The following PCOLCE2 variants were observed in gnomAD, a reference collection of about 807,000 sequenced individuals.
The protein encoded by PCOLCE2 is procollagen C-proteinase enhancer 2.
Under a neutral mutation model 47.0 loss-of-function variants are expected in PCOLCE2, and 42 were observed. The ratio of observed to expected loss-of-function variants is 0.89; its 90% CI spans 0.70 to 1.16. The LOEUF is 1.16. Among genes scored for constraint, PCOLCE2 ranks in the 50% most tolerant of loss-of-function variants. The pLI, the probability that PCOLCE2 is intolerant of heterozygous loss-of-function variation, is 0.00. For missense variants in PCOLCE2, 500 were observed against 526.1 expected, an observed-to-expected ratio of 0.95 and a Z score of 0.49; for synonymous variants, 169 against 191.7, an observed-to-expected ratio of 0.88 and a Z score of 0.98.
chr3:142,827,533 G>A (rs1937096810), intron 6 of PCOLCE2: 1 of 1,479,416 alleles, frequency 6.8e-7, no homozygotes, highest in Non-Finnish European at 9.4e-7. Context: ...GGCAGCACAC[G>A]ATCATACCCT....
chr3:142,818,845 A>G (rs556822615), intron 8 of PCOLCE2, among the ~76,000 whole-genome samples: 36 of 152,352 alleles, frequency 2.4e-4, no homozygotes, highest in African/African-American at 8.4e-4. Flanking sequence ...GAGTGGTTAG[A>G]TCAGCCATGT....
intron 7 of PCOLCE2, among the ~76,000 whole-genome samples, chr3:142,821,525 C>T (rs1402239104): frequency 1.3e-5 from 2 of 152,130 alleles, no homozygotes; most frequent in African/African-American, 4.8e-5. Context: ...CCTCACCCTT[C>T]TCTGTAGCTG....
At position 142,885,197 on chromosome 3, in the gene PCOLCE2, T is replaced by C. The variant is rs181826893; in HGVS notation, c.192+2472A>G. Among the ~76,000 whole-genome samples the C allele has an allele frequency of 1.7e-4, 26 of 152,322 alleles. No homozygotes were observed. The East Asian group carries it at 4.8e-3, about 28-fold the overall frequency. ...ATTTCCCATTCTTGCATTGATATGA[T>C]AGAGTTTAATGAAAACCATTTAGCG... On this transcript the variant is annotated intron_variant, in intron 2 of 8. Coordinates refer to ENST00000295992, the MANE Select transcript of PCOLCE2 (RefSeq NM_013363.4).
rs745457022 is a variant in PCOLCE2 at position 142,829,862 on chromosome 3, T to C, written c.711-16A>G. 3 of 1,495,502 alleles carry C rather than the reference T, an allele frequency of 2.0e-6. No individual in the cohort carries two copies. The highest frequency in any genetic ancestry group is 2.7e-6 in the Non-Finnish European group (3 of 1,100,772). 92.6% of individuals were successfully genotyped at this position (1,495,502 alleles called of 1,614,324 possible). A position where few individuals can be genotyped will look rare whatever the true frequency, so the allele number is the denominator to read the frequency against. ...CACAATTGGCCTAAAAAAAGAAAAA[T>C]GTGTTTTTTTATAAATACTTAAAAG... On this transcript the variant is annotated splice_polypyrimidine_tract_variant and intron_variant, in intron 5 of 8. Transcript: ENST00000295992.
At chr3:142,846,101 T>C (rs1937325925) in intron 3 of PCOLCE2, among the ~76,000 whole-genome samples, 1 of 152,252 alleles carries the variant, frequency 6.6e-6, no homozygotes, top group East Asian at 1.9e-4. Flanking sequence ...ATTTTCTCTG[T>C]CTTTAAATTT....
chr3:142,877,078 T>C (rs939722286), intron 2 of PCOLCE2, among the ~76,000 whole-genome samples: 4 of 152,254 alleles, frequency 2.6e-5, no homozygotes, highest in Non-Finnish European at 5.9e-5. Context: ...ACTTAATTTA[T>C]GTAATTAGTG....
At chr3:142,880,496 A>ACT (rs1933592208) in intron 2 of PCOLCE2, among the ~76,000 whole-genome samples, 1 of 152,218 alleles carries the variant, frequency 6.6e-6, no homozygotes, top group Non-Finnish European at 1.5e-5. Context: ...TTATACACCC[A>ACT]GCACTGATCT....
chr3:142,827,031 A>G (rs531241560), intron 6 of PCOLCE2: 5 of 828,900 alleles, frequency 6.0e-6, no homozygotes, highest in African/African-American at 1.7e-5. Context: ...TGTTTCAACT[A>G]TCTATATATT....
At chr3:142,888,770 G>A (rs1385399489) in intron 1 of PCOLCE2, 44 bp downstream of exon 1, 4 of 1,191,428 alleles carry the variant, frequency 3.4e-6, no homozygotes, top group Admixed American at 3.2e-5. Flanking sequence ...AGGGGTGGAG[G>A]AAGGGAAAGG....
At chr3:142,848,803 C>T (rs73864473) in intron 2 of PCOLCE2, among the ~76,000 whole-genome samples, 9,586 of 152,224 alleles carry the variant, frequency 0.063, 311 homozygotes, top group East Asian at 0.1. Context: ...TGGACCTTAG[C>T]ATATATTTGC....
chr3:142,823,193 A>G (rs1937034496), intron 7 of PCOLCE2, among the ~76,000 whole-genome samples: 1 of 152,248 alleles, frequency 6.6e-6, no homozygotes, highest in Non-Finnish European at 1.5e-5. Flanking sequence ...GTTGAGTTAT[A>G]GATGTGTGAA....
intron 2 of PCOLCE2, among the ~76,000 whole-genome samples, chr3:142,855,452 T>C (rs906066166): frequency 2.6e-5 from 4 of 152,108 alleles, no homozygotes; most frequent in Non-Finnish European, 5.9e-5. Context: ...GAGGAAGAAA[T>C]GGCTGACAGC....
intron 5 of PCOLCE2, among the ~76,000 whole-genome samples, chr3:142,831,992 C>T (rs1937156943): frequency 6.6e-6 from 1 of 152,172 alleles, no homozygotes; most frequent in Admixed American, 6.6e-5. Flanking sequence ...ACTAGGCAGA[C>T]AAGAGGAAAT....
chr3:142,865,698 T>G (rs1433983050), intron 2 of PCOLCE2, among the ~76,000 whole-genome samples: 1 of 152,132 alleles, frequency 6.6e-6, no homozygotes, highest in Non-Finnish European at 1.5e-5. Flanking sequence ...CACAAGAAGT[T>G]TTAGAAATAA....
At chr3:142,839,050 A>G in intron 4 of PCOLCE2, 144 bp from the exon 5 acceptor site, 1 of 564,476 alleles carries the variant, frequency 1.8e-6, no homozygotes, top group Admixed American at 3.4e-5. Context: ...TTTGTTGCAT[A>G]TTTCTTATTT....
rs1218369796 is a variant in PCOLCE2 at position 142,848,309 on chromosome 3, C to T, written c.356G>A (p.Gly119Asp). 4.3e-6 allele frequency: 7 copies of T among 1,614,236 alleles called. No homozygotes were observed. Among genetic ancestry groups the T allele is most frequent in the Non-Finnish European group, 5.9e-6 (7 of 1,180,034 alleles). The change falls in exon 3 of 9, where the codon GGC (glycine) becomes GAC (aspartate). Residue 119 changes from glycine to aspartate, a missense_variant. Gly to Asp is a moderately conservative substitution (Grantham distance 94). Coordinates refer to ENST00000295992, the MANE Select transcript of PCOLCE2 (RefSeq NM_013363.4). ...TFRPGALVSS[G>D]NKMMVQMISD... ...AATCATCTGCACCATCATCTTGTTGCCACTGGACACAAGGGCTCCAGGCCG... is the reference window on the plus strand; with the variant it reads ...AATCATCTGCACCATCATCTTGTTGTCACTGGACACAAGGGCTCCAGGCCG...
In PCOLCE2 at chr3:142,888,880, G is replaced by A. The variant is rs761047304; in HGVS notation, c.17C>T (p.Ala6Val). 1 of 1,528,388 alleles carries A rather than the reference G, an allele frequency of 6.5e-7. No individual in the cohort carries two copies. Among genetic ancestry groups the A allele is most frequent in the Non-Finnish European group, 8.8e-7 (1 of 1,140,724 alleles). The allele number at this position is 1,528,388 out of a possible 1,614,324, so 94.7% of individuals were successfully genotyped here. A position where few individuals can be genotyped will look rare whatever the true frequency, so the allele number is the denominator to read the frequency against. The change falls in exon 1 of 9, where the codon GCC becomes GTC. Residue 6 changes from alanine (A) to valine (V), a missense_variant. Physicochemically the swap from Ala to Val is moderately conservative, Grantham distance 64. Transcript: ENST00000295992. MRGANAWAPLCLLLAA... is the reference protein window; with the variant it reads MRGANVWAPLCLLLAA... ...CAGCAGCAGGCAGAGTGGCGCCCAGGCGTTCGCGCCCCTCATGGCAGCGTA... is the reference window on the plus strand; with the variant it reads ...CAGCAGCAGGCAGAGTGGCGCCCAGACGTTCGCGCCCCTCATGGCAGCGTA...
chr3:142,861,088 T>C (rs1192064503), intron 2 of PCOLCE2, among the ~76,000 whole-genome samples: 1 of 152,266 alleles, frequency 6.6e-6, no homozygotes, highest in African/African-American at 2.4e-5. Flanking sequence ...TATTCTGTAC[T>C]CAACACTTGT....
rs775143491 is a variant in PCOLCE2 at position 142,829,733 on chromosome 3, G to C, written c.824C>G (p.Thr275Ser). ...TGTGGTGGTGACAGGCTGTTCTGTA[G>C]TTGTAGGCAGTTTTTTTGGCCTGAA... ...YIFRPKKLPT[T>S]TEQPVTTTFP... The change falls in exon 6 of 9, where the codon ACT (threonine) becomes AGT (serine). Residue 275 changes from threonine to serine, a missense_variant. Transcript: ENST00000295992. 9.9e-6 allele frequency: 16 copies of C among 1,609,152 alleles called. No individual in the cohort carries two copies. In the Admixed American group the frequency reaches 2.7e-4, roughly 27 times the overall value.
Sources: gnomAD v4.1 joint callset for allele counts (sites outside exome capture counted in the v4.1 genomes callset) on GRCh38, gnomAD v4.1.1 for gene constraint, MANE v1.5 for transcripts, NCBI Gene and HGNC (gene_info 2026-07-23, HGNC 2026-07-21) for gene names.